Variants in R3HDM1 observed in about 807,000 individuals in gnomAD.
R3HDM1 encodes the protein R3H domain-containing protein 1.
R3HDM1 carries 46 observed loss-of-function variants against 141.1 expected under a neutral mutation model. That is an observed-to-expected ratio of 0.33 (90% confidence interval 0.26 to 0.42). The LOEUF is 0.42. Ranked by LOEUF, R3HDM1 falls within the 10% of genes least tolerant of loss-of-function variation. The pLI is 1.00. For missense variants in R3HDM1, 1,184 were observed against 1,368.3 expected (o/e 0.87, Z 2.12); for synonymous variants, 435 against 472.9 (o/e 0.92, Z 1.04).
intron 2 of R3HDM1, among the ~76,000 whole-genome samples, chr2:135,603,591 C>T (rs897626062): frequency 2.6e-5 from 4 of 151,878 alleles, no homozygotes; most frequent in Non-Finnish European, 4.4e-5. Context: ...ATATAAAGTT[C>T]TGCCATTATT....
chr2:135,711,528 C>T (rs2075628400), intron 23 of R3HDM1, among the ~76,000 whole-genome samples: 1 of 151,736 alleles, frequency 6.6e-6, no homozygotes, highest in Non-Finnish European at 1.5e-5. Flanking sequence ...TCGGCCATGG[C>T]AGTGTGCACC....
chr2:135,579,595 C>T (rs1433015403), intron 1 of R3HDM1, among the ~76,000 whole-genome samples: 1 of 86,858 alleles, frequency 1.2e-5, no homozygotes, highest in Admixed American at 1.1e-4. Context: ...TATGGGGTGG[C>T]GGGGGGGGGT....
chr2:135,600,007 C>G (rs1158108398), intron 1 of R3HDM1, among the ~76,000 whole-genome samples: 2 of 150,198 alleles, frequency 1.3e-5, no homozygotes, highest in Non-Finnish European at 2.9e-5. Flanking sequence ...GAACTCCAAC[C>G]TGGGTTACAG....
chr2:135,719,872 G>T, intron 24 of R3HDM1, among the ~76,000 whole-genome samples: 1 of 151,080 alleles, frequency 6.6e-6, no homozygotes, highest in Non-Finnish European at 1.5e-5. Context: ...TCGAGACGGA[G>T]TCTCGCCCTG....
At chr2:135,714,069 G>A (rs1464462839) in intron 23 of R3HDM1, among the ~76,000 whole-genome samples, 3 of 151,562 alleles carry the variant, frequency 2.0e-5, no homozygotes, top group Non-Finnish European at 4.4e-5. Flanking sequence ...ACTAGTGGGT[G>A]AAATTCTGAG....
At chr2:135,597,050 C>T (rs1459179400) in intron 1 of R3HDM1, 4 of 983,746 alleles carry the variant, frequency 4.1e-6, no homozygotes, top group African/African-American at 1.7e-5. Flanking sequence ...GCAGCACATT[C>T]GTGTAACACC....
intron 1 of R3HDM1, among the ~76,000 whole-genome samples, chr2:135,569,459 G>A (rs989686433): frequency 6.6e-6 from 1 of 151,414 alleles, no homozygotes; most frequent in Admixed American, 6.6e-5. Context: ...CTCCAGCCTG[G>A]GCAACAAAAT....
At chr2:135,682,029 C>T (rs922756167) in intron 21 of R3HDM1, among the ~76,000 whole-genome samples, 6 of 148,672 alleles carry the variant, frequency 4.0e-5, no homozygotes, top group South Asian at 2.2e-4. Flanking sequence ...AAAAATACTC[C>T]GAATCTGAGT....
At chr2:135,548,578 G>A (rs898930863) in intron 1 of R3HDM1, among the ~76,000 whole-genome samples, 15 of 149,016 alleles carry the variant, frequency 1.0e-4, no homozygotes, top group African/African-American at 3.7e-4. Flanking sequence ...CCCAGTCATC[G>A]CCCCCCCACC....
At chr2:135,636,500 T>C (rs2063266053) in intron 11 of R3HDM1, among the ~76,000 whole-genome samples, 1 of 152,192 alleles carries the variant, frequency 6.6e-6, no homozygotes, top group Non-Finnish European at 1.5e-5. Context: ...GAGATTTTTA[T>C]TAATAGAAAT....
chr2:135,614,556 TGG>T (rs2060842932), intron 3 of R3HDM1, among the ~76,000 whole-genome samples: 1 of 152,212 alleles, frequency 6.6e-6, no homozygotes, highest in Non-Finnish European at 1.5e-5. Context: ...AATTTGACCA[TGG>T]TTACCCACTA....
At chr2:135,595,989 TAA>T (rs1426028260) in intron 1 of R3HDM1, among the ~76,000 whole-genome samples, 2 of 152,136 alleles carry the variant, frequency 1.3e-5, no homozygotes, top group East Asian at 3.9e-4. Flanking sequence ...GGATCAGTAC[TAA>T]GTTTCTTCTT....
chr2:135,678,410 T>C (rs1472751744), intron 20 of R3HDM1, among the ~76,000 whole-genome samples: 1 of 152,048 alleles, frequency 6.6e-6, no homozygotes, highest in Non-Finnish European at 1.5e-5. Context: ...AAGTCAGAAT[T>C]CAAATTCCTG....
chr2:135,600,810 C>G (rs2059566286), intron 1 of R3HDM1, among the ~76,000 whole-genome samples: 1 of 152,160 alleles, frequency 6.6e-6, no homozygotes, highest in Non-Finnish European at 1.5e-5. Context: ...CATTTGACTT[C>G]TAGGCAATAA....
chr2:135,588,709 C>T (rs1708523886), intron 1 of R3HDM1, among the ~76,000 whole-genome samples: 1 of 152,000 alleles, frequency 6.6e-6, no homozygotes, highest in African/African-American at 2.4e-5. Flanking sequence ...TTATTTTTCT[C>T]TTAAAGGATT....
chr2:135,582,432 A>T (rs1427784095), intron 1 of R3HDM1, among the ~76,000 whole-genome samples: 1 of 152,218 alleles, frequency 6.6e-6, no homozygotes, highest in Non-Finnish European at 1.5e-5. Flanking sequence ...TTAGGTTATT[A>T]CAATTTTATG....
rs1263654653 is a variant in R3HDM1 at position 135,654,065 on chromosome 2, G to T, written c.2028+2033G>T. Among the ~76,000 whole-genome samples the T allele has an allele frequency of 3.3e-5, 5 of 152,032 alleles. No homozygotes were observed. In the East Asian group the frequency reaches 9.7e-4, roughly 29 times the overall value. Reference sequence around the variant, plus strand: ...TGTTGTACAACCACCACTTCTGTTTGGTTCCAAAACATTTTCATCACTCTA... The same window carrying T: ...TGTTGTACAACCACCACTTCTGTTTTGTTCCAAAACATTTTCATCACTCTA... On this transcript the variant is annotated intron_variant, in intron 18 of 26. Coordinates refer to ENST00000683871, the MANE Select transcript of R3HDM1 (RefSeq NM_001378107.1).
intron 19 of R3HDM1, among the ~76,000 whole-genome samples, chr2:135,663,878 A>C (rs368137607): frequency 1.3e-5 from 2 of 151,912 alleles, no homozygotes; most frequent in Admixed American, 1.3e-4. Context: ...AAAATACACA[A>C]AAAAAATTAG....
At chr2:135,535,955 A>G (rs925689111) in intron 1 of R3HDM1, among the ~76,000 whole-genome samples, 3 of 152,032 alleles carry the variant, frequency 2.0e-5, no homozygotes, top group Non-Finnish European at 4.4e-5. Context: ...CATCTTACCC[A>G]TTCTTAGTCT....
Sources: gnomAD v4.1 joint callset for allele counts (sites outside exome capture counted in the v4.1 genomes callset) on GRCh38, gnomAD v4.1.1 for gene constraint, MANE v1.5 for transcripts, NCBI Gene and HGNC (gene_info 2026-07-23, HGNC 2026-07-21) for gene names.